Variants in PPFIA4 observed in about 807,000 individuals in gnomAD.
The protein encoded by PPFIA4 is liprin-alpha-4.
Under a neutral mutation model 145.7 loss-of-function variants are expected in PPFIA4, and 98 were observed. The observed-to-expected ratio is 0.67, with a 90% CI of 0.57 to 0.80. The LOEUF (loss-of-function observed/expected upper bound fraction) is 0.80, where lower values mean the gene tolerates loss of function less well. PPFIA4 is among the 30% of genes least tolerant of loss of function. The probability of loss-of-function intolerance (pLI) is 0.00; values close to 1 mark genes in which losing one functional copy is unlikely to be tolerated. For missense variants in PPFIA4, 1,457 were observed against 1,632.7 expected (o/e 0.89, Z 1.85); for synonymous variants, 628 against 649.6 (o/e 0.97, Z 0.51).
chr1:203,052,951 G>T (rs528027575), intron 14 of PPFIA4, among the ~76,000 whole-genome samples: 1 of 152,216 alleles, frequency 6.6e-6, no homozygotes, highest in Non-Finnish European at 1.5e-5. Flanking sequence ...GAGTTTGTAT[G>T]GATGGAAACT....
intron 5 of PPFIA4, 79 bp from the exon 6 acceptor site, chr1:203,044,613 AAGAC>A (rs1207431304): frequency 7.0e-6 from 10 of 1,429,730 alleles, no homozygotes; most frequent in Admixed American, 2.4e-5. Flanking sequence ...TTTTTTAACT[AAGAC>A]AGGGGCTTTG....
Position 203,075,681 on chromosome 1 carries a change from C to G in PPFIA4, c.3498C>G (p.Leu1166=). 5.3e-6 allele frequency: 8 copies of G among 1,495,860 alleles called. No homozygotes were observed. Among genetic ancestry groups the G allele is most frequent in the South Asian group, 1.3e-5 (1 of 77,100 alleles). The allele number at this position is 1,495,860 out of a possible 1,614,324, so 92.7% of individuals were successfully genotyped here. ...GGMLSASAET[L]PAGFRVSTLG... is the part of the protein sequence containing the mutation. ...TGCTCAGCGCTTCCGCGGAGACCCT[C>G]CCGGCGGGCTTCCGTGTGTCCACCC... The change falls in exon 29 of 30, where the codon CTC becomes CTG. Residue 1166 remains leucine, a synonymous_variant. Coordinates refer to ENST00000295706, the MANE Select transcript of PPFIA4 (RefSeq NM_001304331.2). The surrounding 1 kb of genome is among the most constrained non-coding windows in gnomAD (Gnocchi z 4.1).
rs933764591 is a variant in PPFIA4, at chr1:203,048,154, G to C, written c.1141-73G>C. On this transcript the variant is annotated intron_variant, in intron 9 of 29. Coordinates refer to ENST00000295706, the MANE Select transcript of PPFIA4 (RefSeq NM_001304331.2). This position sits in a 1 kb window ranked among gnomAD's most constrained non-coding sequence, Gnocchi z 5.8. ...ATCCCCAGGGCCACCCTGGCACCAG[G>C]GTGCAGGGGATGCGGGGCCTGAGCA... 2 of 1,451,994 alleles carry C rather than the reference G, an allele frequency of 1.4e-6. No homozygotes were observed. Among genetic ancestry groups the C allele is most frequent in the East Asian group, 2.4e-5 (1 of 42,526 alleles). The allele number at this position is 1,451,994 out of a possible 1,614,324, so 89.9% of individuals were successfully genotyped here. A position where few individuals can be genotyped will look rare whatever the true frequency, so the allele number is the denominator to read the frequency against.
intron 15 of PPFIA4, among the ~76,000 whole-genome samples, chr1:203,054,927 AGTGT>A (rs1216906020): frequency 6.6e-6 from 1 of 151,896 alleles, no homozygotes; most frequent in Admixed American, 6.6e-5. Flanking sequence ...TGTGTGAGAG[AGTGT>A]GTGTGTGTGC....
At chr1:203,065,048 C>T (rs1371720892) in intron 25 of PPFIA4, among the ~76,000 whole-genome samples, 1 of 152,166 alleles carries the variant, frequency 6.6e-6, no homozygotes, top group Non-Finnish European at 1.5e-5. Context: ...TGTGGTCTCT[C>T]CAACTCAGAA....
chr1:203,058,535 C>T (rs535937549), intron 19 of PPFIA4, among the ~76,000 whole-genome samples: 17 of 152,324 alleles, frequency 1.1e-4, no homozygotes, highest in African/African-American at 2.9e-4. Flanking sequence ...AAACCTGAGA[C>T]AGCACCTCAG....
At chr1:203,034,854 AC>A in intron 1 of PPFIA4, 2 of 360,082 alleles carry the variant, frequency 5.6e-6, no homozygotes, top group Non-Finnish European at 1.1e-5. Context: ...TCCTCCTTCT[AC>A]CCCTCTTTGG....
Position 203,075,048 on chromosome 1 carries a change from T to C in PPFIA4, c.3394-529T>C, listed in dbSNP as rs904989007. On this transcript the variant is annotated intron_variant, in intron 28 of 29. Transcript: ENST00000295706. This position sits in a 1 kb window ranked among gnomAD's most constrained non-coding sequence, Gnocchi z 4.1. ...GGAAACTGAGGCTCAGAGGGGTCACTCACCTGGTACAGGGTCACATAGCCA... is the reference window on the plus strand; with the variant it reads ...GGAAACTGAGGCTCAGAGGGGTCACCCACCTGGTACAGGGTCACATAGCCA... Among the ~76,000 whole-genome samples the C allele has an allele frequency of 2.0e-5, 3 of 152,154 alleles. No homozygotes were observed. The highest frequency in any genetic ancestry group is 4.4e-5 in the Non-Finnish European group (3 of 68,024).
At chr1:203,061,348 GC>G in intron 23 of PPFIA4, 2 of 532,354 alleles carry the variant, frequency 3.8e-6, no homozygotes, top group East Asian at 6.5e-5. Flanking sequence ...CAGAGTCTCT[GC>G]CCTTGTGCTT....
Position 203,056,374 on chromosome 1 carries a change from G to T in PPFIA4, c.2107-1G>T. 1 of 1,613,744 alleles carries T rather than the reference G, an allele frequency of 6.2e-7. No homozygotes were observed. On this transcript the variant is annotated splice_acceptor_variant, in intron 17 of 29. Coordinates refer to ENST00000295706, the MANE Select transcript of PPFIA4 (RefSeq NM_001304331.2). LOFTEE classifies it high-confidence loss of function. ...CCCTGACGGCTCCACTGTCTGTTCAGTCGCCAGTGTCTCGGGAAGAGAACC... is the reference window on the plus strand; with the variant it reads ...CCCTGACGGCTCCACTGTCTGTTCATTCGCCAGTGTCTCGGGAAGAGAACC...
chr1:203,049,357 C>T (rs1660326088), intron 12 of PPFIA4, among the ~76,000 whole-genome samples: 1 of 152,164 alleles, frequency 6.6e-6, no homozygotes, highest in African/African-American at 2.4e-5. Context: ...GTGCTGGGGC[C>T]CTCTGCTGCC....
At position 203,075,978 on chromosome 1, in the gene PPFIA4, G is replaced by T; in HGVS notation, c.3574+221G>T. The T allele has an allele frequency of 1.9e-6, 1 of 525,282 alleles. No homozygotes were observed. The highest frequency in any genetic ancestry group is 3.2e-6 in the Non-Finnish European group (1 of 316,418). The allele number at this position is 525,282 out of a possible 1,614,324, so 32.5% of individuals were successfully genotyped here. A position where few individuals can be genotyped will look rare whatever the true frequency, so the allele number is the denominator to read the frequency against. On this transcript the variant is annotated intron_variant, in intron 29 of 29. Transcript: ENST00000295706. The surrounding 1 kb of genome is among the most constrained non-coding windows in gnomAD (Gnocchi z 4.1). The stretch of plus-strand genomic sequence containing the variant: ...GCCGACTTCTCCCAGCTGGGACGGC[G>T]GGGTCGCAGAGACTGGAGACCTCCA...
At chr1:203,051,951 C>A in intron 14 of PPFIA4, 74 bp downstream of exon 14, 1 of 1,506,434 alleles carries the variant, frequency 6.6e-7, no homozygotes, top group Non-Finnish European at 9.0e-7. Context: ...GTTACGCAGA[C>A]GGCTGGTGTG....
At chr1:203,044,927 C>T (rs1236065362) in intron 6 of PPFIA4, 142 bp downstream of exon 6, 1 of 749,132 alleles carries the variant, frequency 1.3e-6, no homozygotes, top group Non-Finnish European at 2.3e-6. Flanking sequence ...CTCTTTTCTT[C>T]TTCTCCCTAC....
intron 25 of PPFIA4, among the ~76,000 whole-genome samples, chr1:203,066,558 A>G (rs1661743159): frequency 6.6e-6 from 1 of 152,168 alleles, no homozygotes; most frequent in Non-Finnish European, 1.5e-5. Context: ...TTGAGAAGTA[A>G]TGAGTTCGCT....
Position 203,044,763 on chromosome 1 carries a change from T to C in PPFIA4, c.644T>C (p.Leu215Pro). 1.3e-6 allele frequency: 2 copies of C among 1,565,288 alleles called. No individual in the cohort carries two copies. The highest frequency in any genetic ancestry group is 1.7e-6 in the Non-Finnish European group (2 of 1,155,146). ...GAAEEEGTVE[L>P]GPKRLWKEDT... ...GCAGAAGAGGAGGGGACTGTGGAGC[T>C]GGGGCCGAAACGCCTGTGGAAGGTA... The change falls in exon 6 of 30, where the codon CTG becomes CCG. Residue 215 changes from leucine to proline, a missense_variant. By Grantham distance (98) the Leu-to-Pro change is moderately conservative. Around this residue, in one of 3 missense-constraint regions of PPFIA4, gnomAD observed 463 missense variants for 459.8 expected, o/e 1.01. Coordinates refer to ENST00000295706, the MANE Select transcript of PPFIA4 (RefSeq NM_001304331.2).
intron 2 of PPFIA4, 76 bp downstream of exon 2, chr1:203,039,318 T>C: frequency 9.5e-7 from 1 of 1,054,308 alleles, no homozygotes; most frequent in South Asian, 1.7e-5. Flanking sequence ...GGCCCTCAGC[T>C]CATCTGCATC....
chr1:203,033,767 C>T (rs1471127798), intron 1 of PPFIA4, among the ~76,000 whole-genome samples: 1 of 152,150 alleles, frequency 6.6e-6, no homozygotes, highest in East Asian at 1.9e-4. Flanking sequence ...CAGCTGAGGT[C>T]AGGAGTTCAA....
Position 203,039,235 on chromosome 1 carries a change from TC to T in PPFIA4, c.232del (p.Gln78ArgfsTer6). 1 of 1,583,232 alleles carries T rather than the reference TC, an allele frequency of 6.3e-7. No individual in the cohort carries two copies. On this transcript the variant is annotated frameshift_variant, in exon 2 of 30. Coordinates refer to ENST00000295706, the MANE Select transcript of PPFIA4 (RefSeq NM_001304331.2). LOFTEE classifies it high-confidence loss of function. ...DQLQRHLNSA[L>X]PQEFATLTRE... ...CTCCAGCGCCACCTTAACTCCGCCC[TC>T]CCCCAGGTAAGGCCCGAAGGCCTGC...
Sources: allele counts gnomAD v4.1 joint callset (sites outside exome capture counted in the v4.1 genomes callset), GRCh38; gene constraint gnomAD v4.1.1; regional missense constraint gnomAD v4.1.1; non-coding constraint Gnocchi (gnomAD v3.1); transcripts MANE v1.5; gene names NCBI Gene and HGNC (gene_info 2026-07-23, HGNC 2026-07-21).